AMOTL1: variants seen among roughly 807,000 people sequenced by gnomAD.
The protein encoded by AMOTL1 is angiomotin like 1.
AMOTL1 carries 45 observed loss-of-function variants against 102.9 expected under a neutral mutation model. That is an observed-to-expected ratio of 0.44 (90% CI 0.34 to 0.56). AMOTL1 has a LOEUF of 0.56. Ranked by LOEUF, AMOTL1 falls within the 20% of genes least tolerant of loss-of-function variation. The pLI, the probability that AMOTL1 is intolerant of heterozygous loss-of-function variation, is 0.01. For missense variants in AMOTL1, 1,114 were observed against 1,225.6 expected, an observed-to-expected ratio of 0.91 and a Z score of 1.36; for synonymous variants, 481 against 484.7, an observed-to-expected ratio of 0.99 and a Z score of 0.10.
intron 12 of AMOTL1, 126 bp from the exon 13 acceptor site, chr11:94,870,563 T>A (rs1003221219): frequency 3.2e-6 from 2 of 623,918 alleles, no homozygotes; most frequent in Non-Finnish European, 5.5e-6. Context: ...CTGGATCATC[T>A]CACATGCCCT....
chr11:94,825,654 G>C (rs1014433134), intron 4 of AMOTL1, among the ~76,000 whole-genome samples: 27 of 152,310 alleles, frequency 1.8e-4, no homozygotes, highest in African/African-American at 6.5e-4. Flanking sequence ...GTCTGAGCTG[G>C]TCTGGATAGT....
intron 1 of AMOTL1, among the ~76,000 whole-genome samples, chr11:94,777,126 C>A (rs1429550357): frequency 2.0e-5 from 3 of 152,160 alleles, no homozygotes; most frequent in Non-Finnish European, 4.4e-5. Context: ...TCTGAAATCA[C>A]AGTAAGCTTC....
At chr11:94,834,276 A>T (rs1952128927) in intron 6 of AMOTL1, among the ~76,000 whole-genome samples, 1 of 152,164 alleles carries the variant, frequency 6.6e-6, no homozygotes, top group Non-Finnish European at 1.5e-5. Flanking sequence ...GTTAGAAGAA[A>T]GGCAAGACTG....
chr11:94,835,949 A>T (rs995321580), intron 6 of AMOTL1, among the ~76,000 whole-genome samples: 3 of 152,220 alleles, frequency 2.0e-5, no homozygotes, highest in Non-Finnish European at 4.4e-5. Flanking sequence ...GTTGGACCAT[A>T]TTGTTTTAAA....
intron 6 of AMOTL1, among the ~76,000 whole-genome samples, chr11:94,840,720 A>G (rs1952285338): frequency 6.7e-6 from 1 of 148,798 alleles, no homozygotes; most frequent in Middle Eastern, 3.2e-3. Context: ...ATATATATAC[A>G]TATATATGTA....
At chr11:94,707,244 CTCTCTCTGTGTGTGTG>C (rs1431167761) in intron 1 of AMOTL1, among the ~76,000 whole-genome samples, 9 of 55,404 alleles carry the variant, frequency 1.6e-4, no homozygotes, top group Non-Finnish European at 4.9e-4. Flanking sequence ...CTCTCTCTCT[CTCTCTCTGTGTGTGTG>C]TGTGTGTGTG....
At chr11:94,784,539 A>T (rs986602105) in intron 1 of AMOTL1, among the ~76,000 whole-genome samples, 4 of 152,242 alleles carry the variant, frequency 2.6e-5, no homozygotes. Flanking sequence ...GTAATAAATT[A>T]TAGGAAGTAT....
At position 94,869,210 on chromosome 11, in the gene AMOTL1, G is replaced by A; in HGVS notation, c.2501G>A (p.Gly834Glu). Residue 834 changes from glycine (G) to glutamate (E), a missense_variant, in exon 12 of 13, where the codon GGG becomes GAG. Transcript: ENST00000433060. The stretch of plus-strand genomic sequence containing the variant: ...TCTCTGCCCTCAGGATTGCTGCTGG[G>A]GAAGGAGCACCATGAGCATGCCTCT... ...TWKGSIGLLL[G>E]KEHHEHASAP... is the part of the protein sequence containing the mutation. 2 of 1,595,094 alleles carry A rather than the reference G, an allele frequency of 1.3e-6. No individual in the cohort carries two copies. The highest frequency in any genetic ancestry group is 1.7e-6 in the Non-Finnish European group (2 of 1,165,852).
intron 1 of AMOTL1, 78 bp from the exon 2 acceptor site, chr11:94,794,933 G>T: frequency 6.9e-7 from 1 of 1,450,868 alleles, no homozygotes; most frequent in Non-Finnish European, 9.2e-7. Flanking sequence ...GAGAATGCCT[G>T]GTGGGTTCTT....
intron 1 of AMOTL1, among the ~76,000 whole-genome samples, chr11:94,724,904 G>A (rs1407562438): frequency 6.6e-6 from 1 of 152,130 alleles, no homozygotes; most frequent in Non-Finnish European, 1.5e-5. Flanking sequence ...CTGAATGATG[G>A]AATATGCTAC....
At chr11:94,752,699 G>A (rs749517342) in intron 3 of AMOTL1, among the ~76,000 whole-genome samples, 3 of 152,206 alleles carry the variant, frequency 2.0e-5, no homozygotes, top group Non-Finnish European at 4.4e-5. Context: ...ACTGGGAAGA[G>A]TGGACACTGA....
rs1565387434 is a variant in AMOTL1 at position 94,864,825 on chromosome 11, G to A, written c.2226G>A (p.Val742=). The change falls in exon 10 of 13, where the codon GTG becomes GTA. Residue 742 remains valine, a synonymous_variant. Coordinates refer to ENST00000433060, the MANE Select transcript of AMOTL1 (RefSeq NM_130847.3). ...AHIWQEEEEV[V]QANRRCQDME... ...TCTGGCAAGAGGAGGAGGAGGTGGT[G>A]CAGGCCAACAGAAGGTGTCAGGACA... 1.9e-6 allele frequency: 3 copies of A among 1,613,850 alleles called. No individual in the cohort carries two copies. The highest frequency in any genetic ancestry group is 1.7e-5 in the Admixed American group (1 of 60,022).
At chr11:94,765,996 G>C (rs183388031), upstream of AMOTL1, among the ~76,000 whole-genome samples, 32 of 152,222 alleles carry the variant, frequency 2.1e-4, no homozygotes, top group Admixed American at 1.2e-3. Context: ...TCTGTCATTG[G>C]TCTAATGATC....
chr11:94,833,113 A>G (rs1592013580), intron 6 of AMOTL1, among the ~76,000 whole-genome samples: 1 of 152,262 alleles, frequency 6.6e-6, no homozygotes, highest in South Asian at 2.1e-4. Context: ...CTGTGCAAAT[A>G]TGCTCCACTT....
At chr11:94,817,067 T>C (rs977418318) in intron 3 of AMOTL1, among the ~76,000 whole-genome samples, 2 of 152,204 alleles carry the variant, frequency 1.3e-5, no homozygotes, top group Non-Finnish European at 2.9e-5. Flanking sequence ...AAAAGATTTA[T>C]GGAAATTATA....
At chr11:94,752,590 C>T (rs1228848350) in intron 3 of AMOTL1, among the ~76,000 whole-genome samples, 1 of 152,142 alleles carries the variant, frequency 6.6e-6, no homozygotes, top group African/African-American at 2.4e-5. Flanking sequence ...ATTCTCTTCC[C>T]CCTGTGACCT....
At chr11:94,840,653 CGTATATATAT>C (rs1461121128) in intron 6 of AMOTL1, among the ~76,000 whole-genome samples, 1 of 87,312 alleles carries the variant, frequency 1.1e-5, no homozygotes, top group Non-Finnish European at 2.0e-5. Flanking sequence ...ACTTAAAAAA[CGTATATATAT>C]ATATATATAT....
intron 3 of AMOTL1, among the ~76,000 whole-genome samples, chr11:94,757,625 A>T (rs1055469744): frequency 1.3e-5 from 2 of 152,226 alleles, no homozygotes; most frequent in African/African-American, 4.8e-5. Flanking sequence ...AATTCAGGCC[A>T]CTAAGAGTCC....
exon 3 of AMOTL1, chr11:94,740,949 G>A (rs1465130763): frequency 7.8e-7 from 1 of 1,289,092 alleles, no homozygotes. Context: ...CAGTGAGTTT[G>A]TGGAAGCCTC....
Sources: gnomAD v4.1 joint callset for allele counts (sites outside exome capture counted in the v4.1 genomes callset) on GRCh38, gnomAD v4.1.1 for gene constraint, MANE v1.5 for transcripts, NCBI Gene and HGNC (gene_info 2026-07-23, HGNC 2026-07-21) for gene names.